Variants in EVI5 observed in about 807,000 individuals in gnomAD.
EVI5 encodes ecotropic viral integration site 5 protein homolog.
In EVI5, 73 loss-of-function variants were observed where a neutral mutation model predicts 112.0. The observed-to-expected ratio is 0.65, with a 90% confidence interval of 0.54 to 0.79. EVI5 has a LOEUF of 0.79. EVI5 is among the 30% of genes least tolerant of loss of function. The probability of loss-of-function intolerance (pLI) is 0.00; values close to 1 mark genes in which losing one functional copy is unlikely to be tolerated. For synonymous variants in EVI5, 305 were observed against 319.9 expected (o/e 0.95, Z 0.50); for missense variants, 900 against 968.8 (o/e 0.93, Z 0.94).
chr1:92,538,730 G>GA (rs1344893389), intron 19 of EVI5, among the ~76,000 whole-genome samples: 12 of 152,364 alleles, frequency 7.9e-5, no homozygotes, highest in African/African-American at 2.6e-4. Context: ...AATTCTTAGG[G>GA]AAGGAGGAAG....
chr1:92,611,080 T>A, intron 16 of EVI5, among the ~76,000 whole-genome samples: 1 of 146,684 alleles, frequency 6.8e-6, no homozygotes, highest in African/African-American at 2.5e-5. Flanking sequence ...ACATGTACCC[T>A]AAAACTTAAA....
chr1:92,596,600 TA>T (rs1557868247), intron 18 of EVI5, among the ~76,000 whole-genome samples: 1 of 152,142 alleles, frequency 6.6e-6, no homozygotes, highest in Non-Finnish European at 1.5e-5. Flanking sequence ...GAAGTGTAAC[TA>T]AACAGGGTTT....
At chr1:92,549,811 A>G (rs551528532) in intron 19 of EVI5, among the ~76,000 whole-genome samples, 2 of 152,322 alleles carry the variant, frequency 1.3e-5, no homozygotes, top group East Asian at 3.9e-4. Flanking sequence ...ACCATCTCAC[A>G]CCAGTTAGAA....
chr1:92,781,363 C>T (rs1684838152), intron 1 of EVI5, among the ~76,000 whole-genome samples: 1 of 151,732 alleles, frequency 6.6e-6, no homozygotes, highest in Non-Finnish European at 1.5e-5. Context: ...AAAAATTAGC[C>T]AGGCATGGTG....
chr1:92,720,039 T>C (rs1319292085), intron 2 of EVI5, among the ~76,000 whole-genome samples: 2 of 151,980 alleles, frequency 1.3e-5, no homozygotes, highest in Non-Finnish European at 2.9e-5. Context: ...CACAAACAAA[T>C]GGAAGAACAT....
At position 92,511,929 on chromosome 1, in the gene EVI5, G is replaced by GCAA. The variant is rs1182958473; in HGVS notation, c.*1724_*1726dup. On this transcript the variant is annotated 3_prime_UTR_variant, in exon 20 of 20. Transcript: ENST00000684568. ...TTTCATATTTTTTTTTTTGCCGCAT[G>GCAA]CAACATACTGTGCAAAACTGTGCCT... 2 of 151,628 alleles carry GCAA rather than the reference G, an allele frequency of 1.3e-5. No homozygotes were observed. The highest frequency in any genetic ancestry group is 3.9e-4 in the East Asian group (2 of 5,186). 9.4% of individuals were successfully genotyped at this position (151,628 alleles called of 1,614,324 possible). A position where few individuals can be genotyped will look rare whatever the true frequency, so the allele number is the denominator to read the frequency against.
chr1:92,637,637 TA>T (rs1380805884), intron 13 of EVI5, among the ~76,000 whole-genome samples: 2 of 152,168 alleles, frequency 1.3e-5, no homozygotes, highest in African/African-American at 2.4e-5. Context: ...ACTTCACATT[TA>T]ATTTATGTAG....
rs1281137428 is a variant in EVI5 at position 92,702,205 on chromosome 1, A to G, written c.575T>C (p.Leu192Ser). The stretch of plus-strand genomic sequence containing the variant: ...ACAGTAACCAACCTCACGATCTACT[A>G]AAGAGTAAGCCTAAAAAGTAAAAAA... ...VLFNVMKAYS[L>S]VDREVGYCQG... The change falls in exon 5 of 20, where the codon TTA (leucine) becomes TCA (serine). Residue 192 changes from leucine (L) to serine (S), a missense_variant. Transcript: ENST00000684568. 6.0e-6 allele frequency: 9 copies of G among 1,509,924 alleles called. No homozygotes were observed. The highest frequency in any genetic ancestry group is 3.4e-4 in the Middle Eastern group (2 of 5,836). The allele number at this position is 1,509,924 out of a possible 1,614,324, so 93.5% of individuals were successfully genotyped here. A position where few individuals can be genotyped will look rare whatever the true frequency, so the allele number is the denominator to read the frequency against.
intron 7 of EVI5, 124 bp from the exon 8 acceptor site, chr1:92,694,512 G>C: frequency 1.6e-6 from 1 of 609,238 alleles, no homozygotes; most frequent in Non-Finnish European, 2.9e-6. Context: ...AACATTTTCT[G>C]TCAAGAGTCA....
intron 1 of EVI5, chr1:92,755,962 C>A: frequency 5.9e-6 from 1 of 170,170 alleles, no homozygotes; most frequent in African/African-American, 2.4e-5. Context: ...CCATTGTGAG[C>A]GATCACGTCA....
intron 13 of EVI5, among the ~76,000 whole-genome samples, chr1:92,658,350 CA>C (rs965573613): frequency 3.3e-5 from 5 of 152,240 alleles, no homozygotes; most frequent in African/African-American, 1.2e-4. Flanking sequence ...GAGATTCCTC[CA>C]AAAGGCTCTT....
intron 18 of EVI5, among the ~76,000 whole-genome samples, chr1:92,586,300 T>G (rs1672766989): frequency 6.6e-6 from 1 of 152,146 alleles, no homozygotes; most frequent in South Asian, 2.1e-4. Context: ...GATTTATACT[T>G]CCCCTCCTTG....
At chr1:92,657,721 A>C (rs1212114492) in intron 13 of EVI5, among the ~76,000 whole-genome samples, 2 of 152,210 alleles carry the variant, frequency 1.3e-5, no homozygotes, top group Non-Finnish European at 2.9e-5. Flanking sequence ...TTATGAAGAA[A>C]TACCTGAGGC....
chr1:92,738,023 T>C (rs561653342), intron 1 of EVI5, among the ~76,000 whole-genome samples: 4 of 152,298 alleles, frequency 2.6e-5, no homozygotes, highest in East Asian at 3.9e-4. Context: ...GAAAGAAAAG[T>C]TGAATGGCAT....
At chr1:92,719,676 A>G (rs1674406043) in intron 2 of EVI5, among the ~76,000 whole-genome samples, 1 of 151,974 alleles carries the variant, frequency 6.6e-6, no homozygotes, top group African/African-American at 2.4e-5. Flanking sequence ...TATTCAACAT[A>G]CTGTTGGAAG....
At chr1:92,757,027 A>G (rs983906798) in intron 1 of EVI5, 1 of 197,644 alleles carries the variant, frequency 5.1e-6, no homozygotes, top group Non-Finnish European at 1.1e-5. Context: ...CTTTTTGTAA[A>G]CTTCCATTCA....
intron 18 of EVI5, among the ~76,000 whole-genome samples, chr1:92,594,295 A>G (rs1429995848): frequency 1.3e-5 from 2 of 152,118 alleles, no homozygotes; most frequent in Non-Finnish European, 2.9e-5. Context: ...TGACAAACCT[A>G]ACAAAAACAA....
intron 1 of EVI5, among the ~76,000 whole-genome samples, chr1:92,765,769 T>C (rs1682531600): frequency 6.6e-6 from 1 of 152,152 alleles, no homozygotes; most frequent in South Asian, 2.1e-4. Flanking sequence ...CCACAAATTC[T>C]TTTGTATTAA....
chr1:92,758,262 G>A (rs4847310), intron 1 of EVI5, among the ~76,000 whole-genome samples: 141,148 of 152,224 alleles, frequency 0.93, 65,541 homozygotes, highest in East Asian at 0.97. Context: ...AGCCTTTTGT[G>A]ATTTTGTTTT....
Sources: gnomAD v4.1 joint callset for allele counts (sites outside exome capture counted in the v4.1 genomes callset) on GRCh38, gnomAD v4.1.1 for gene constraint, MANE v1.5 for transcripts, NCBI Gene and HGNC (gene_info 2026-07-23, HGNC 2026-07-21) for gene names.